SART3: variants seen among roughly 807,000 people sequenced by gnomAD.
SART3 encodes the protein spliceosome associated factor 3, U4/U6 recycling protein, also known as HIV-1 Tat-interacting protein of 110kDa.
A neutral mutation model predicts 122.3 loss-of-function variants in SART3; 44 were observed. The ratio of observed to expected loss-of-function variants is 0.36; its 90% CI spans 0.28 to 0.46. The LOEUF (loss-of-function observed/expected upper bound fraction) is 0.46, where lower values mean the gene tolerates loss of function less well. SART3 is among the 20% of genes least tolerant of loss of function. The pLI is 1.00. For missense variants in SART3, 1,101 were observed against 1,229.0 expected (o/e 0.90, Z 1.56); for synonymous variants, 442 against 454.0 (o/e 0.97, Z 0.34).
intron 15 of SART3, among the ~76,000 whole-genome samples, chr12:108,529,705 A>C (rs1593234525): frequency 1.3e-5 from 2 of 152,286 alleles, no homozygotes; most frequent in East Asian, 3.9e-4. Context: ...CCCGAGATGC[A>C]TGAGTGGAAT....
At chr12:108,550,786 C>T (rs576523454) in intron 1 of SART3, among the ~76,000 whole-genome samples, 4 of 152,018 alleles carry the variant, frequency 2.6e-5, no homozygotes, top group South Asian at 2.1e-4. Context: ...TGCTTGAACC[C>T]GGGAGGCGGA....
At chr12:108,523,948 C>T (rs565278071) in intron 18 of SART3, 4 of 558,966 alleles carry the variant, frequency 7.2e-6, no homozygotes, top group South Asian at 2.1e-5. Context: ...CCCAAACCAG[C>T]GAACAGCACA....
intron 1 of SART3, among the ~76,000 whole-genome samples, chr12:108,550,851 AAAAT>A (rs1404594438): frequency 1.3e-5 from 2 of 152,232 alleles, no homozygotes; most frequent in East Asian, 1.9e-4. Context: ...CCATCTCAAA[AAAAT>A]AAATAAATAA....
In SART3 at chr12:108,543,105, T is replaced by C. The variant is rs1873242287; in HGVS notation, c.829A>G (p.Ile277Val). 1.9e-6 allele frequency: 3 copies of C among 1,614,268 alleles called. No individual in the cohort carries two copies. Among genetic ancestry groups the C allele is most frequent in the Non-Finnish European group, 2.5e-6 (3 of 1,180,046 alleles). Reference protein sequence around the residue: ...AEYEEWSEDPIPESVIQNYNK... With the variant: ...AEYEEWSEDPVPESVIQNYNK... ...TAGTTCTGAATTACTGACTCTGGTA[T>C]TGGGTCTTCTGACCATTCTTCATAC... Residue 277 changes from isoleucine to valine, a missense_variant, in exon 6 of 19, where the codon ATA becomes GTA. Ile to Val is a conservative substitution (Grantham distance 29, BLOSUM62 3). This residue lies in a region of SART3 where 885 missense variants were observed against 1,080.1 expected (regional missense o/e 0.82). Coordinates refer to ENST00000546815, the MANE Select transcript of SART3 (RefSeq NM_014706.4).
In SART3 at chr12:108,560,622, G is replaced by C. The variant is rs1180753079; in HGVS notation, c.312+221C>G. On this transcript the variant is annotated intron_variant, in intron 1 of 18. Transcript: ENST00000546815. ...CCAGTAAAATGGGGATAGATAACAGGGCTTCCTTCACAGGGTCGTGGCGAG... is the reference window on the plus strand; with the variant it reads ...CCAGTAAAATGGGGATAGATAACAGCGCTTCCTTCACAGGGTCGTGGCGAG... 3 of 505,116 alleles carry C rather than the reference G, an allele frequency of 5.9e-6. No individual in the cohort carries two copies. The East Asian group carries it at 9.8e-5, about 16-fold the overall frequency. The allele number at this position is 505,116 out of a possible 1,614,324, so 31.3% of individuals were successfully genotyped here. A position where few individuals can be genotyped will look rare whatever the true frequency, so the allele number is the denominator to read the frequency against.
Position 108,525,447 on chromosome 12 carries a change from T to C in SART3, c.2523+10A>G, listed in dbSNP as rs768854010. On this transcript the variant is annotated intron_variant, in intron 17 of 18. Transcript: ENST00000546815. ...CTTGAAGACAAGGCACAATCTGCTC[T>C]GACTCTGACCTTTGGTTTGCCAGCC... 3 of 1,613,994 alleles carry C rather than the reference T, an allele frequency of 1.9e-6. No individual in the cohort carries two copies. Among genetic ancestry groups the C allele is most frequent in the Non-Finnish European group, 2.5e-6 (3 of 1,180,000 alleles).
chr12:108,525,698 A>G (rs934348603), intron 16 of SART3, 89 bp from the exon 17 acceptor site: 2 of 1,367,712 alleles, frequency 1.5e-6, no homozygotes, highest in Non-Finnish European at 2.1e-6. Flanking sequence ...TGTCCCCATG[A>G]GCAGCCCAGC....
intron 5 of SART3, among the ~76,000 whole-genome samples, chr12:108,543,972 C>T (rs1873288448): frequency 6.6e-6 from 1 of 152,196 alleles, no homozygotes; most frequent in Non-Finnish European, 1.5e-5. Context: ...TTCCAATCAA[C>T]TGCACTTCTG....
chr12:108,525,670 C>T, intron 16 of SART3, 61 bp from the exon 17 acceptor site: 1 of 1,543,788 alleles, frequency 6.5e-7, no homozygotes, highest in Non-Finnish European at 9.0e-7. Context: ...GCTCACCTGA[C>T]TCCTCTGACA....
chr12:108,542,811 T>C, intron 6 of SART3: 1 of 664,694 alleles, frequency 1.5e-6, no homozygotes, highest in Non-Finnish European at 2.7e-6. Context: ...GAGGGGCACA[T>C]AGGAGACTTC....
intron 9 of SART3, chr12:108,537,269 G>A (rs987161246): frequency 5.6e-6 from 3 of 532,410 alleles, no homozygotes; most frequent in African/African-American, 3.8e-5. Flanking sequence ...GACTAAAAAG[G>A]CTGGCAGGAG....
At chr12:108,523,660 C>T in intron 18 of SART3, 26 bp from the exon 19 acceptor site, 1 of 1,607,942 alleles carries the variant, frequency 6.2e-7, no homozygotes, top group Non-Finnish European at 8.5e-7. Context: ...CTGAATGGAC[C>T]TTTTGAAGCA....
chr12:108,560,958 T>C lies in SART3; in HGVS notation c.197A>G (p.Asp66Gly), dbSNP rs765050499. 1.9e-6 allele frequency: 3 copies of C among 1,614,056 alleles called. No homozygotes were observed. The highest frequency in any genetic ancestry group is 2.2e-5 in the East Asian group (1 of 44,874). Residue 66 changes from aspartate to glycine, a missense_variant, in exon 1 of 19, where the codon GAT (aspartate) becomes GGT (glycine). By Grantham distance (94) the Asp-to-Gly change is moderately conservative. Around this residue, in one of 2 missense-constraint regions of SART3, gnomAD observed 216 missense variants for 148.9 expected, o/e 1.45. Coordinates refer to ENST00000546815, the MANE Select transcript of SART3 (RefSeq NM_014706.4). ...DQQEEGVSES[D>G]GDEYAMASSA... ...GGAAGCCATGGCGTACTCATCCCCA[T>C]CGCTCTCGCTCACGCCTTCCTCCTG...
intron 1 of SART3, among the ~76,000 whole-genome samples, chr12:108,559,392 G>A (rs1234305397): frequency 6.6e-6 from 1 of 152,168 alleles, no homozygotes; most frequent in South Asian, 2.1e-4. Flanking sequence ...CGGGCCGGGC[G>A]TAGCGGCTCA....
chr12:108,537,142 G>T (rs1300573872), intron 9 of SART3: 1 of 428,154 alleles, frequency 2.3e-6, no homozygotes, highest in Non-Finnish European at 4.3e-6. Context: ...TTTTCGGGGG[G>T]ACATGAAGGG....
chr12:108,526,468 A>G lies in SART3; in HGVS notation c.2001T>C (p.Ala667=). The G allele has an allele frequency of 6.2e-7, 1 of 1,614,168 alleles. No individual in the cohort carries two copies. The highest frequency in any genetic ancestry group is 8.5e-7 in the Non-Finnish European group (1 of 1,180,032). Residue 667 remains alanine, a synonymous_variant, in exon 16 of 19, where the codon GCT becomes GCC. Transcript: ENST00000546815. Reference sequence around the variant, plus strand: ...CCACATCTACGGCAGCACATTTCCCAGCGGGCCCTGCTGCTACTTCTACAT... The same window carrying G: ...CCACATCTACGGCAGCACATTTCCCGGCGGGCCCTGCTGCTACTTCTACAT... ...TQNVEVAAGP[A]GKCAAVDVEP...
chr12:108,535,629 C>T, intron 11 of SART3, 161 bp from the exon 12 acceptor site: 1 of 692,450 alleles, frequency 1.4e-6, no homozygotes, highest in Non-Finnish European at 2.7e-6. Flanking sequence ...GGTAAACGAC[C>T]CAGCCCAAAC....
intron 6 of SART3, among the ~76,000 whole-genome samples, chr12:108,542,403 G>A (rs1592767016): frequency 6.6e-6 from 1 of 152,216 alleles, no homozygotes; most frequent in South Asian, 2.1e-4. Context: ...TCCTAAGTAC[G>A]TATTCTAGAG....
rs2030020406 is a variant in SART3, at chr12:108,551,804, A to ATC, written c.313-2592_313-2591dup. On this transcript the variant is annotated intron_variant, in intron 1 of 18. Coordinates refer to ENST00000546815, the MANE Select transcript of SART3 (RefSeq NM_014706.4). ...ATTAGAAACCACTAACAGTAAGAAA[A>ATC]TCTCTGAACACGTGAAAATTAAGTA... Among the ~76,000 whole-genome samples, 3 of 152,320 alleles carry ATC rather than the reference A, an allele frequency of 2.0e-5. No homozygotes were observed. The South Asian group carries it at 6.2e-4, about 32-fold the overall frequency.
Sources: gnomAD v4.1 joint callset for allele counts (sites outside exome capture counted in the v4.1 genomes callset) on GRCh38, gnomAD v4.1.1 for gene constraint, gnomAD v4.1.1 regional missense constraint, MANE v1.5 for transcripts, NCBI Gene and HGNC (gene_info 2026-07-23, HGNC 2026-07-21) for gene names.